Variants in VWA3B observed in about 807,000 individuals in gnomAD.
VWA3B encodes the protein von Willebrand factor A domain-containing protein 3B.
Under a neutral mutation model 158.3 loss-of-function variants are expected in VWA3B, and 138 were observed. The observed-to-expected ratio is 0.87, with a 90% confidence interval of 0.76 to 1.00. VWA3B has a LOEUF of 1.00. VWA3B is among the 50% of genes least tolerant of loss of function. VWA3B has a pLI of 0.00. For synonymous variants in VWA3B, 596 were observed against 587.3 expected (o/e 1.01, Z -0.21); for missense variants, 1,555 against 1,565.1 (o/e 0.99, Z 0.11).
At chr2:98,273,647 A>G (rs1042290331) in intron 22 of VWA3B, among the ~76,000 whole-genome samples, 2 of 152,090 alleles carry the variant, frequency 1.3e-5, no homozygotes, top group Admixed American at 1.3e-4. Flanking sequence ...TGAAACATTT[A>G]TGAGTGCCCA....
chr2:98,105,560 G>A (rs1013054107), intron 2 of VWA3B, among the ~76,000 whole-genome samples: 2 of 151,988 alleles, frequency 1.3e-5, no homozygotes, highest in African/African-American at 2.4e-5. Flanking sequence ...CATTTAGCCT[G>A]TGATCTATTT....
At chr2:98,222,068 T>C (rs1684554230) in intron 14 of VWA3B, among the ~76,000 whole-genome samples, 1 of 152,114 alleles carries the variant, frequency 6.6e-6, no homozygotes. Context: ...GAAACAGGAC[T>C]AGCCCCCACG....
chr2:98,152,098 T>A (rs1677684099), intron 7 of VWA3B, among the ~76,000 whole-genome samples: 2 of 152,178 alleles, frequency 1.3e-5, no homozygotes, highest in Non-Finnish European at 2.9e-5. Context: ...TCAAGGTGGA[T>A]CCTAGGAGTA....
Position 98,292,851 on chromosome 2 carries a change from C to A in VWA3B, c.3157+2229C>A, listed in dbSNP as rs978778528. On this transcript the variant is annotated intron_variant, in intron 23 of 27. Coordinates refer to ENST00000477737, the MANE Select transcript of VWA3B (RefSeq NM_144992.5). ...TGGTGGCGGGCACCTGTAATCCCAG[C>A]TACTCGGGAGGCTGAGGCAGGAGAA... Among the ~76,000 whole-genome samples the A allele has an allele frequency of 4.6e-5, 7 of 152,036 alleles. 1 individual carries two copies. In the Middle Eastern group the frequency reaches 0.01, roughly 222 times the overall value.
intron 16 of VWA3B, among the ~76,000 whole-genome samples, chr2:98,234,223 G>A (rs1685525082): frequency 1.3e-5 from 2 of 152,240 alleles, no homozygotes; most frequent in African/African-American, 4.8e-5. Flanking sequence ...GCTATTTCCA[G>A]CTGGTGGCAG....
intron 2 of VWA3B, among the ~76,000 whole-genome samples, chr2:98,097,289 AC>A (rs950465972): frequency 6.1e-4 from 92 of 152,040 alleles, no homozygotes; most frequent in African/African-American, 1.8e-3. Context: ...CCATTGTACC[AC>A]CCTCTTTGTA....
intron 17 of VWA3B, 34 bp from the exon 18 acceptor site, chr2:98,236,356 G>A: frequency 1.9e-6 from 3 of 1,612,768 alleles, no homozygotes; most frequent in Non-Finnish European, 2.5e-6. Flanking sequence ...CCATATGTGA[G>A]GAAAATATAC....
intron 12 of VWA3B, among the ~76,000 whole-genome samples, chr2:98,196,995 T>C (rs780492277): frequency 2.6e-5 from 4 of 152,204 alleles, no homozygotes; most frequent in Non-Finnish European, 5.9e-5. Context: ...ATGAGCTAAA[T>C]TGCAGACTTT....
At chr2:98,319,003 G>A in the VWA3B span, among the ~76,000 whole-genome samples, 4 of 152,164 alleles carry the variant, frequency 2.6e-5, no homozygotes, top group African/African-American at 9.7e-5. Context: ...CACGAATAGT[G>A]TAATTTGCAA....
At chr2:98,226,449 A>G (rs1261350013) in intron 14 of VWA3B, among the ~76,000 whole-genome samples, 2 of 152,212 alleles carry the variant, frequency 1.3e-5, no homozygotes, top group Non-Finnish European at 2.9e-5. Context: ...TTAAATCTAA[A>G]ACATAAAACT....
At chr2:98,090,521 G>A (rs537059529) in intron 1 of VWA3B, among the ~76,000 whole-genome samples, 75 of 152,276 alleles carry the variant, frequency 4.9e-4, no homozygotes, top group African/African-American at 1.7e-3. Context: ...TCCTAGAGAG[G>A]TGGAATCACC....
intron 17 of VWA3B, among the ~76,000 whole-genome samples, chr2:98,235,468 T>C (rs889892147): frequency 4.6e-5 from 7 of 151,788 alleles, no homozygotes; most frequent in African/African-American, 1.7e-4. Context: ...CTTTGTTACC[T>C]AGGCTGGAGT....
intron 5 of VWA3B, among the ~76,000 whole-genome samples, chr2:98,127,597 G>A (rs903089723): frequency 1.7e-4 from 11 of 65,194 alleles, no homozygotes; most frequent in African/African-American, 9.9e-4. Context: ...TGTGGGCGGG[G>A]GGGGGGGGGG....
intron 12 of VWA3B, among the ~76,000 whole-genome samples, chr2:98,202,708 G>T (rs1414125395): frequency 6.6e-6 from 1 of 152,050 alleles, no homozygotes; most frequent in Non-Finnish European, 1.5e-5. Flanking sequence ...CTTAGATCCT[G>T]AAGATGTTTT....
intron 7 of VWA3B, among the ~76,000 whole-genome samples, chr2:98,155,148 C>T (rs1170081771): frequency 1.3e-5 from 2 of 152,182 alleles, no homozygotes; most frequent in African/African-American, 4.8e-5. Flanking sequence ...CAGCCGATTC[C>T]AATACAGGCA....
intron 12 of VWA3B, among the ~76,000 whole-genome samples, chr2:98,209,796 A>T (rs1404853555): frequency 2.0e-5 from 3 of 152,202 alleles, no homozygotes; most frequent in African/African-American, 7.2e-5. Flanking sequence ...TGATTTTTAA[A>T]TTATATCTTA....
Position 98,217,913 on chromosome 2 carries a change from A to G in VWA3B, c.1904A>G (p.Asn635Ser), listed in dbSNP as rs753099422. ...QEIPIYTISF[N>S]YNDEIANRFL... ...ATTCCTATTTATACCATCTCCTTCA[A>G]TTACAATGATGAGATTGCAAACAGG... The change falls in exon 14 of 28, where the codon AAT becomes AGT. Residue 635 changes from asparagine (N) to serine (S), a missense_variant. Asn to Ser is a conservative substitution (Grantham distance 46). Transcript: ENST00000477737. The G allele has an allele frequency of 2.5e-6, 4 of 1,613,174 alleles. No individual in the cohort carries two copies. Among genetic ancestry groups the G allele is most frequent in the South Asian group, 2.2e-5 (2 of 91,032 alleles).
intron 17 of VWA3B, among the ~76,000 whole-genome samples, 188 bp from the exon 18 acceptor site, chr2:98,236,202 T>C (rs922726349): frequency 6.6e-6 from 1 of 152,198 alleles, no homozygotes; most frequent in Non-Finnish European, 1.5e-5. Context: ...CATGCATTGG[T>C]CTGTAGTGTA....
chr2:98,088,785 G>A (rs1039781220), intron 1 of VWA3B, among the ~76,000 whole-genome samples: 5 of 151,700 alleles, frequency 3.3e-5, no homozygotes, highest in African/African-American at 1.2e-4. Context: ...ACAGGGTCTC[G>A]CTCTGTCCCC....
Sources: allele counts gnomAD v4.1 joint callset (sites outside exome capture counted in the v4.1 genomes callset), GRCh38; gene constraint gnomAD v4.1.1; transcripts MANE v1.5; gene names NCBI Gene and HGNC (gene_info 2026-07-23, HGNC 2026-07-21).